The following APIP variants were observed in gnomAD, a reference collection of about 807,000 sequenced individuals.
APIP encodes methylthioribulose-1-phosphate dehydratase.
In APIP, 32 loss-of-function variants were observed where a neutral mutation model predicts 32.0. The ratio of observed to expected loss-of-function variants is 1.00; its 90% CI spans 0.76 to 1.34. The LOEUF is 1.34. Among genes scored for constraint, APIP ranks in the 40% most tolerant of loss-of-function variants. The pLI, the probability that APIP is intolerant of heterozygous loss-of-function variation, is 0.00. For missense variants in APIP, 247 were observed against 298.6 expected (o/e 0.83, Z 1.27); for synonymous variants, 92 against 94.8 (o/e 0.97, Z 0.17).
chr11:34,912,749 A>G (rs577488851), intron 1 of APIP, among the ~76,000 whole-genome samples: 1 of 152,286 alleles, frequency 6.6e-6, no homozygotes, highest in African/African-American at 2.4e-5. Context: ...TGGAACTCAG[A>G]CTGGCTCTCC....
chr11:34,885,228 G>T, intron 5 of APIP, among the ~76,000 whole-genome samples: 1 of 146,814 alleles, frequency 6.8e-6, no homozygotes, highest in African/African-American at 2.5e-5. Flanking sequence ...TATATGTATA[G>T]TTATACATGT....
intron 1 of APIP, chr11:34,896,781 A>G: frequency 7.8e-7 from 1 of 1,286,858 alleles, no homozygotes; most frequent in South Asian, 1.2e-5. Flanking sequence ...AGTGAGCGCC[A>G]AAGCCAGAAT....
intron 5 of APIP, among the ~76,000 whole-genome samples, chr11:34,884,837 A>G (rs1247191062): frequency 1.3e-5 from 2 of 152,108 alleles, no homozygotes; most frequent in Non-Finnish European, 2.9e-5. Flanking sequence ...GCATGCACTC[A>G]ATAGTCAGAA....
At chr11:34,883,686 G>C (rs1853011412) in intron 5 of APIP, among the ~76,000 whole-genome samples, 182 bp from the exon 6 acceptor site, 1 of 152,112 alleles carries the variant, frequency 6.6e-6, no homozygotes, top group South Asian at 2.1e-4. Context: ...TCTATCAAAA[G>C]GTACCTTGGG....
At chr11:34,907,502 C>T (rs1385859846) in intron 1 of APIP, among the ~76,000 whole-genome samples, 3 of 152,112 alleles carry the variant, frequency 2.0e-5, no homozygotes, top group Non-Finnish European at 4.4e-5. Context: ...CCTTGAGACC[C>T]ATAAAATTAA....
chr11:34,898,048 A>T (rs1029839171), intron 1 of APIP, among the ~76,000 whole-genome samples: 2 of 151,852 alleles, frequency 1.3e-5, no homozygotes, highest in African/African-American at 4.8e-5. Flanking sequence ...ACGTGTGTCC[A>T]TGTTATTTAT....
chr11:34,884,954 A>G (rs1309436175), intron 5 of APIP, among the ~76,000 whole-genome samples: 1 of 151,922 alleles, frequency 6.6e-6, no homozygotes, highest in Non-Finnish European at 1.5e-5. Flanking sequence ...AAGTTAAATG[A>G]GAAAGAGAGC....
At chr11:34,899,999 GA>G (rs993811628) in intron 1 of APIP, among the ~76,000 whole-genome samples, 2 of 152,176 alleles carry the variant, frequency 1.3e-5, no homozygotes, top group African/African-American at 4.8e-5. Flanking sequence ...AGACTTTGAA[GA>G]AAAAATGCCT....
At chr11:34,902,830 A>T (rs1853389206) in intron 1 of APIP, among the ~76,000 whole-genome samples, 1 of 152,180 alleles carries the variant, frequency 6.6e-6, no homozygotes. Flanking sequence ...GGGAGTTTTA[A>T]CACAGGCCCG....
chr11:34,916,228 C>G lies in APIP; in HGVS notation c.57G>C (p.Gln19His). The change falls in exon 1 of 7, where the codon CAG becomes CAC. Residue 19 changes from glutamine to histidine, a missense_variant and splice_region_variant. Gln to His is a conservative substitution (Grantham distance 24). Coordinates refer to ENST00000395787, the MANE Select transcript of APIP (RefSeq NM_015957.4). ...GDCCSRRCGA[Q>H]DKEHPRYLIP... is the part of the protein sequence containing the mutation. The stretch of plus-strand genomic sequence containing the variant: ...CGGGCACCGGTGGCCCCGCCCCTAC[C>G]TGCGCGCCGCATCTCCGGGAACAAC... 1 of 1,611,508 alleles carries G rather than the reference C, an allele frequency of 6.2e-7. No homozygotes were observed.
At chr11:34,883,305 C>T in intron 6 of APIP, 32 bp downstream of exon 6, 1 of 1,557,674 alleles carries the variant, frequency 6.4e-7, no homozygotes, top group South Asian at 1.2e-5. Flanking sequence ...CGGGTGGTAA[C>T]TTGTTCCCCA....
Position 34,882,712 on chromosome 11 carries a change from T to C in APIP, c.*5A>G. On this transcript the variant is annotated 3_prime_UTR_variant, in exon 7 of 7. Transcript: ENST00000395787. ...TCTCTGTATATAATTAGACTTTCTT[T>C]TGGCTTAGACAATTCCATTTTCTCC... 2 of 1,541,626 alleles carry C rather than the reference T, an allele frequency of 1.3e-6. No homozygotes were observed. Among genetic ancestry groups the C allele is most frequent in the Middle Eastern group, 3.7e-4 (2 of 5,334 alleles).
chr11:34,888,166 A>C (rs1041787303), intron 5 of APIP, 127 bp downstream of exon 5: 1 of 936,560 alleles, frequency 1.1e-6, no homozygotes. Flanking sequence ...GTGTAATATT[A>C]AATGGAGTAT....
At chr11:34,897,067 G>C (rs1412537106) in intron 1 of APIP, among the ~76,000 whole-genome samples, 1 of 152,148 alleles carries the variant, frequency 6.6e-6, no homozygotes, top group Non-Finnish European at 1.5e-5. Context: ...TTCAAAAAGC[G>C]ATCATTATTT....
intron 1 of APIP, among the ~76,000 whole-genome samples, chr11:34,902,821 G>A (rs925694100): frequency 2.6e-5 from 4 of 152,134 alleles, no homozygotes; most frequent in African/African-American, 9.7e-5. Flanking sequence ...AATGTCCCTG[G>A]GAGTTTTAAC....
chr11:34,891,718 G>A (rs2985388), intron 2 of APIP, among the ~76,000 whole-genome samples: 56,685 of 152,016 alleles, frequency 0.37, 10,957 homozygotes, highest in East Asian at 0.74. Flanking sequence ...AGCTGCACGC[G>A]AGCATTTGCT....
intron 2 of APIP, among the ~76,000 whole-genome samples, chr11:34,891,677 G>A: frequency 6.6e-6 from 1 of 152,158 alleles, no homozygotes; most frequent in African/African-American, 2.4e-5. Flanking sequence ...ACAAATGTCT[G>A]ATAATGTGAG....
chr11:34,890,701 A>C (rs1413816739), intron 2 of APIP, 149 bp from the exon 3 acceptor site: 12 of 690,398 alleles, frequency 1.7e-5, no homozygotes, highest in Admixed American at 3.1e-5. Flanking sequence ...GCATAGAAAG[A>C]AAGCCAAACT....
At chr11:34,894,639 ACT>A (rs952068812) in intron 2 of APIP, among the ~76,000 whole-genome samples, 2 of 152,016 alleles carry the variant, frequency 1.3e-5, no homozygotes, top group African/African-American at 4.8e-5. Context: ...ACAGAGCAAG[ACT>A]CTGTTTCAAA....
Sources: gnomAD v4.1 joint callset for allele counts (sites outside exome capture counted in the v4.1 genomes callset) on GRCh38, gnomAD v4.1.1 for gene constraint, MANE v1.5 for transcripts, NCBI Gene and HGNC (gene_info 2026-07-23, HGNC 2026-07-21) for gene names.